The following EPB41L3 variants were observed in gnomAD, a reference collection of about 807,000 sequenced individuals.
The protein encoded by EPB41L3 is erythrocyte membrane protein band 4.1 like 3, also known as band 4.1-like protein 3.
Under a neutral mutation model 127.1 loss-of-function variants are expected in EPB41L3, and 57 were observed. The ratio of observed to expected loss-of-function variants is 0.45; its 90% CI spans 0.36 to 0.56. EPB41L3 has a LOEUF of 0.56. Among genes scored for constraint, EPB41L3 ranks in the 20% least tolerant of loss-of-function variants. The pLI is 0.00. For synonymous variants in EPB41L3, 572 were observed against 549.5 expected (o/e 1.04, Z -0.57); for missense variants, 1,273 against 1,372.2 (o/e 0.93, Z 1.14).
intron 3 of EPB41L3, among the ~76,000 whole-genome samples, chr18:5,550,561 GA>G (rs2093950119): frequency 6.6e-6 from 1 of 152,150 alleles, no homozygotes; most frequent in Admixed American, 6.5e-5. Context: ...CTCAATAAAA[GA>G]GGACCATCAT....
At chr18:5,462,932 T>A (rs986890158) in intron 3 of EPB41L3, among the ~76,000 whole-genome samples, 20 of 152,216 alleles carry the variant, frequency 1.3e-4, no homozygotes. Context: ...CCCCATAAAC[T>A]TTTTCTCTTG....
At chr18:5,417,512 T>C (rs2144842972) in intron 12 of EPB41L3, among the ~76,000 whole-genome samples, 1 of 152,200 alleles carries the variant, frequency 6.6e-6, no homozygotes, top group Admixed American at 6.5e-5. Context: ...CTGAAAGTAA[T>C]TAGACTTCTG....
chr18:5,433,493 AT>A lies in EPB41L3; in HGVS notation c.887del (p.Tyr296LeufsTer3). On this transcript the variant is annotated frameshift_variant, in exon 8 of 23. Transcript: ENST00000341928. LOFTEE classifies it high-confidence loss of function. ...FLENAKKLSM[Y>X]GVDLHHAKDS... The stretch of plus-strand genomic sequence containing the variant: ...CCTTAGCATGATGTAAATCTACCCC[AT>A]ACATTGATAATTTTTTGGCATTTTC... 1 of 1,613,550 alleles carries A rather than the reference AT, an allele frequency of 6.2e-7. No individual in the cohort carries two copies. The highest frequency in any genetic ancestry group is 8.5e-7 in the Non-Finnish European group (1 of 1,179,700).
chr18:5,542,504 G>C (rs996088715), intron 1 of EPB41L3, among the ~76,000 whole-genome samples: 3 of 151,380 alleles, frequency 2.0e-5, no homozygotes, highest in East Asian at 2.0e-4. Flanking sequence ...GGACAGGCAG[G>C]GTATCTGCAA....
upstream of EPB41L3, chr18:5,630,547 C>G (rs757137455): frequency 1.9e-6 from 1 of 516,342 alleles, no homozygotes; most frequent in Non-Finnish European, 3.9e-6. Context: ...CAGTCTCGGG[C>G]TCGGCGGCGG....
At chr18:5,425,832 C>G (rs775916580) in intron 9 of EPB41L3, among the ~76,000 whole-genome samples, 3 of 152,198 alleles carry the variant, frequency 2.0e-5, no homozygotes, top group Non-Finnish European at 4.4e-5. Context: ...GCAGAAGCCA[C>G]GACCTGCTGC....
At chr18:5,560,519 A>G (rs555604530) in intron 3 of EPB41L3, among the ~76,000 whole-genome samples, 1 of 152,342 alleles carries the variant, frequency 6.6e-6, no homozygotes, top group South Asian at 2.1e-4. Flanking sequence ...TTATGAACTA[A>G]GTCAAAGCCT....
At chr18:5,536,498 C>T (rs1341495391) in intron 1 of EPB41L3, among the ~76,000 whole-genome samples, 1 of 143,516 alleles carries the variant, frequency 7.0e-6, no homozygotes, top group Non-Finnish European at 1.5e-5. Flanking sequence ...CATACTGTTA[C>T]ATTTAAAAAA....
intron 3 of EPB41L3, among the ~76,000 whole-genome samples, chr18:5,474,449 G>A (rs1297810029): frequency 2.6e-5 from 4 of 152,086 alleles, no homozygotes; most frequent in African/African-American, 9.7e-5. Context: ...CTCTCCCACT[G>A]TAGCCTTGTG....
intron 3 of EPB41L3, among the ~76,000 whole-genome samples, chr18:5,597,501 T>C (rs776510838): frequency 6.6e-6 from 1 of 152,174 alleles, no homozygotes; most frequent in Non-Finnish European, 1.5e-5. Context: ...CCCAATCCCA[T>C]GGTAACTGTA....
At chr18:5,452,526 C>T (rs59752470) in intron 3 of EPB41L3, among the ~76,000 whole-genome samples, 7,906 of 151,996 alleles carry the variant, frequency 0.052, 669 homozygotes, top group African/African-American at 0.18. Flanking sequence ...GCATCATTTC[C>T]GGCAAATCTT....
At chr18:5,407,209 A>T in intron 15 of EPB41L3, 1 of 538,658 alleles carries the variant, frequency 1.9e-6, no homozygotes, top group Non-Finnish European at 3.3e-6. Context: ...TTTAGAAGGC[A>T]AACTATAAAG....
At chr18:5,531,559 C>T (rs2093410802) in intron 1 of EPB41L3, among the ~76,000 whole-genome samples, 1 of 151,872 alleles carries the variant, frequency 6.6e-6, no homozygotes. Context: ...CCTGTCTCTA[C>T]TAAAAATACA....
chr18:5,483,724 G>T (rs1284942050), intron 2 of EPB41L3, among the ~76,000 whole-genome samples: 8 of 151,796 alleles, frequency 5.3e-5, no homozygotes, highest in African/African-American at 7.3e-5. Flanking sequence ...ATGAGAAAAA[G>T]CAGGTCACTA....
intron 1 of EPB41L3, among the ~76,000 whole-genome samples, chr18:5,496,104 A>C (rs867285810): frequency 6.6e-6 from 1 of 152,248 alleles, no homozygotes; most frequent in South Asian, 2.1e-4. Context: ...AAAAAGTTGA[A>C]AAAAACACTT....
intron 13 of EPB41L3, among the ~76,000 whole-genome samples, chr18:5,413,775 G>A (rs1357715771): frequency 3.9e-5 from 6 of 152,184 alleles, no homozygotes; most frequent in South Asian, 2.1e-4. Context: ...CTAGGGCTGC[G>A]GAGAAGGGTG....
chr18:5,435,976 TAAAC>T (rs947695346), intron 6 of EPB41L3, among the ~76,000 whole-genome samples: 8 of 152,182 alleles, frequency 5.3e-5, no homozygotes, highest in African/African-American at 1.2e-4. Flanking sequence ...TCCCCATAAA[TAAAC>T]AGTTTTAAAC....
chr18:5,477,594 T>C (rs1186821801), intron 3 of EPB41L3, among the ~76,000 whole-genome samples: 1 of 152,204 alleles, frequency 6.6e-6, no homozygotes, highest in Non-Finnish European at 1.5e-5. Context: ...AACTCAACAG[T>C]CAGCTGTCTC....
chr18:5,613,405 A>G (rs1320774412), intron 2 of EPB41L3, among the ~76,000 whole-genome samples: 1 of 152,152 alleles, frequency 6.6e-6, no homozygotes, highest in Non-Finnish European at 1.5e-5. Flanking sequence ...TTCTCAGGAG[A>G]CGAGGAATGT....
Sources: gnomAD v4.1 joint callset for allele counts (sites outside exome capture counted in the v4.1 genomes callset) on GRCh38, gnomAD v4.1.1 for gene constraint, MANE v1.5 for transcripts, NCBI Gene and HGNC (gene_info 2026-07-23, HGNC 2026-07-21) for gene names.